Variants in SLC9A9 observed in about 807,000 individuals in gnomAD.
SLC9A9 encodes solute carrier family 9 member A9, also known as sodium/hydrogen exchanger 9.
In SLC9A9, 62 loss-of-function variants were observed where a neutral mutation model predicts 77.8. That is an observed-to-expected ratio of 0.80 (90% CI 0.65 to 0.98). The LOEUF is 0.98. Among genes scored for constraint, SLC9A9 ranks in the 50% least tolerant of loss-of-function variants. The pLI, the probability that SLC9A9 is intolerant of heterozygous loss-of-function variation, is 0.00. For missense variants in SLC9A9, 775 were observed against 774.9 expected (o/e 1.00, Z 0.00); for synonymous variants, 320 against 283.5 (o/e 1.13, Z -1.29).
chr3:143,723,645 A>C (rs990099564), intron 4 of SLC9A9, among the ~76,000 whole-genome samples: 1 of 152,220 alleles, frequency 6.6e-6, no homozygotes, highest in Non-Finnish European at 1.5e-5. Flanking sequence ...TGCAGGAAGC[A>C]TATTCCCTGA....
chr3:143,764,775 C>T (rs990209425), intron 4 of SLC9A9, among the ~76,000 whole-genome samples: 4 of 152,018 alleles, frequency 2.6e-5, no homozygotes, highest in African/African-American at 9.7e-5. Flanking sequence ...TCGGGTCTCA[C>T]TATGTAGACC....
At chr3:143,294,316 G>C (rs867639115) in intron 14 of SLC9A9, among the ~76,000 whole-genome samples, 1 of 152,290 alleles carries the variant, frequency 6.6e-6, no homozygotes, top group South Asian at 2.1e-4. Context: ...GGGAGGAAGG[G>C]GGAGCGGTTT....
At chr3:143,791,570 T>A (rs1434219603) in intron 4 of SLC9A9, among the ~76,000 whole-genome samples, 1 of 152,232 alleles carries the variant, frequency 6.6e-6, no homozygotes, top group Non-Finnish European at 1.5e-5. Context: ...TCTCTGGCAC[T>A]GCTACATGAA....
intron 5 of SLC9A9, among the ~76,000 whole-genome samples, chr3:143,664,540 G>A (rs537556898): frequency 1.3e-5 from 2 of 152,274 alleles, no homozygotes; most frequent in East Asian, 3.9e-4. Context: ...CTGGCAAATT[G>A]GATAAAGAGT....
chr3:143,715,997 C>CTATT (rs1934335950), intron 4 of SLC9A9, among the ~76,000 whole-genome samples: 1 of 152,228 alleles, frequency 6.6e-6, no homozygotes, highest in Non-Finnish European at 1.5e-5. Context: ...CACCATCGTC[C>CTATT]ATAGCAACTT....
chr3:143,343,525 A>G (rs2032172931), intron 14 of SLC9A9: 1 of 152,182 alleles, frequency 6.6e-6, no homozygotes, highest in South Asian at 2.1e-4. Context: ...CAGCAAGAAA[A>G]TACTACAGAG....
At chr3:143,552,308 A>C in intron 9 of SLC9A9, 54 bp downstream of exon 9, 1 of 1,326,806 alleles carries the variant, frequency 7.5e-7, no homozygotes, top group South Asian at 1.2e-5. Flanking sequence ...GAATTGCTAC[A>C]TAACCATTTC....
At chr3:143,279,283 T>G (rs541850739) in intron 14 of SLC9A9, among the ~76,000 whole-genome samples, 1 of 152,314 alleles carries the variant, frequency 6.6e-6, no homozygotes, top group Non-Finnish European at 1.5e-5. Flanking sequence ...GTTTCATGAC[T>G]GATGTCACAG....
intron 14 of SLC9A9, among the ~76,000 whole-genome samples, chr3:143,329,707 G>T (rs890673764): frequency 1.3e-5 from 2 of 152,154 alleles, no homozygotes; most frequent in African/African-American, 4.8e-5. Context: ...TAGCTGCTCA[G>T]CAGTTCCTCC....
At chr3:143,796,364 A>G (rs1374142289) in intron 3 of SLC9A9, among the ~76,000 whole-genome samples, 2 of 152,238 alleles carry the variant, frequency 1.3e-5, no homozygotes, top group Admixed American at 1.3e-4. Context: ...AATATAATGC[A>G]AGCCACATAT....
At chr3:143,418,212 T>C (rs2034232362) in intron 12 of SLC9A9, among the ~76,000 whole-genome samples, 2 of 151,664 alleles carry the variant, frequency 1.3e-5, no homozygotes, top group Admixed American at 1.3e-4. Context: ...AGGTAGCAGA[T>C]GTGGGAGGAG....
At chr3:143,757,782 G>A (rs774450691) in intron 4 of SLC9A9, among the ~76,000 whole-genome samples, 1 of 152,006 alleles carries the variant, frequency 6.6e-6, no homozygotes, top group Non-Finnish European at 1.5e-5. Flanking sequence ...AGGATTTAAG[G>A]ATAGTATATT....
chr3:143,759,446 C>A (rs895341301), intron 4 of SLC9A9, among the ~76,000 whole-genome samples: 1 of 152,064 alleles, frequency 6.6e-6, no homozygotes, highest in African/African-American at 2.4e-5. Context: ...TCAATGCAGG[C>A]ACTATGCAAT....
chr3:143,468,387 A>G lies in SLC9A9; in HGVS notation c.1316-1197T>C, dbSNP rs146838167. ...GAACTCCATCAAAAACCAGCTGGGT[A>G]TATTTGTGTAGGTCTATTTCTCAGT... On this transcript the variant is annotated intron_variant, in intron 11 of 15. Coordinates refer to ENST00000316549, the MANE Select transcript of SLC9A9 (RefSeq NM_173653.4). Among the ~76,000 whole-genome samples, 527 of 152,308 alleles carry G rather than the reference A, an allele frequency of 3.5e-3. 7 individuals carry two copies. The highest frequency in any genetic ancestry group is 0.012 in the African/African-American group (494 of 41,578).
chr3:143,370,563 G>A (rs866094536), intron 13 of SLC9A9, among the ~76,000 whole-genome samples: 68 of 49,986 alleles, frequency 1.4e-3, no homozygotes, highest in Admixed American at 2.7e-3. Context: ...ATATGCATGT[G>A]CGCGCACACA....
chr3:143,458,410 C>A (rs899644282), intron 12 of SLC9A9, among the ~76,000 whole-genome samples: 2 of 152,056 alleles, frequency 1.3e-5, no homozygotes, highest in Non-Finnish European at 2.9e-5. Context: ...TGTCTTCAGG[C>A]AATTTAGATT....
intron 6 of SLC9A9, among the ~76,000 whole-genome samples, chr3:143,599,557 A>T (rs1443708042): frequency 1.3e-5 from 2 of 152,080 alleles, no homozygotes; most frequent in Non-Finnish European, 2.9e-5. Flanking sequence ...CCTGTGTTTG[A>T]TTCTACCTTG....
intron 12 of SLC9A9, among the ~76,000 whole-genome samples, chr3:143,432,129 C>T (rs2034528542): frequency 6.6e-6 from 1 of 152,138 alleles, no homozygotes; most frequent in Non-Finnish European, 1.5e-5. Flanking sequence ...TTTCTCACGG[C>T]TTATTTTCTC....
chr3:143,305,090 G>C (rs2108431826), intron 14 of SLC9A9, among the ~76,000 whole-genome samples: 1 of 152,242 alleles, frequency 6.6e-6, no homozygotes, highest in Admixed American at 6.5e-5. Flanking sequence ...GGAGTGATAA[G>C]GCAAAATCAC....
Sources: allele counts gnomAD v4.1 joint callset (sites outside exome capture counted in the v4.1 genomes callset), GRCh38; gene constraint gnomAD v4.1.1; transcripts MANE v1.5; gene names NCBI Gene and HGNC (gene_info 2026-07-23, HGNC 2026-07-21).